The following MED24 variants were observed in gnomAD, a reference collection of about 807,000 sequenced individuals.
MED24 encodes mediator complex subunit 24.
Under a neutral mutation model 118.8 loss-of-function variants are expected in MED24, and 74 were observed. The observed-to-expected ratio is 0.62, with a 90% CI of 0.52 to 0.76. The LOEUF is 0.76. MED24 is among the 30% of genes least tolerant of loss of function. The pLI is 0.00. For synonymous variants in MED24, 521 were observed against 523.9 expected (o/e 0.99, Z 0.08); for missense variants, 1,041 against 1,278.9 (o/e 0.81, Z 2.84).
chr17:40,023,483 T>C lies in MED24; in HGVS notation c.1986-88A>G, dbSNP rs1376452606. 3.0e-6 allele frequency: 4 copies of C among 1,322,860 alleles called. No homozygotes were observed. The Admixed American group carries it at 9.1e-5, about 30-fold the overall frequency. 81.9% of individuals were successfully genotyped at this position (1,322,860 alleles called of 1,614,324 possible). A position where few individuals can be genotyped will look rare whatever the true frequency, so the allele number is the denominator to read the frequency against. On this transcript the variant is annotated intron_variant, in intron 19 of 25. Transcript: ENST00000394128. ...GGAACACCCATGCCAGACTTTCCCT[T>C]GGACTTAGGTTACGGAAATCTCCCT... is the stretch of plus-strand genomic sequence containing the variant.
rs919556918 is a variant in MED24, at chr17:40,032,763, C to G, written c.823-1G>C. On this transcript the variant is annotated splice_acceptor_variant, in intron 8 of 25. Coordinates refer to ENST00000394128, the MANE Select transcript of MED24 (RefSeq NM_014815.4). LOFTEE classifies it high-confidence loss of function. Reference sequence around the variant, plus strand: ...GGACAAAAAGTGGGGTGGGGATATGCTGTGGGAAGAGCCAAGGATGAGGCC... The same window carrying G: ...GGACAAAAAGTGGGGTGGGGATATGGTGTGGGAAGAGCCAAGGATGAGGCC... 6.2e-7 allele frequency: 1 copy of G among 1,612,514 alleles called. No homozygotes were observed. Among genetic ancestry groups the G allele is most frequent in the Non-Finnish European group, 8.5e-7 (1 of 1,178,994 alleles).
Position 40,026,338 on chromosome 17 carries a change from G to A in MED24, c.1810-7C>T. The stretch of plus-strand genomic sequence containing the variant: ...TGATGTTATCAGTGATTTTCTAGGG[G>A]AGACGGAAAGGTGATGGGCTACCAT... On this transcript the variant is annotated splice_polypyrimidine_tract_variant and splice_region_variant and intron_variant, in intron 18 of 25. Transcript: ENST00000394128. 1.2e-6 allele frequency: 2 copies of A among 1,611,620 alleles called. No individual in the cohort carries two copies. Among genetic ancestry groups the A allele is most frequent in the Non-Finnish European group, 1.7e-6 (2 of 1,178,140 alleles).
At chr17:40,020,799 G>A (rs939222989) in intron 23 of MED24, among the ~76,000 whole-genome samples, 1 of 150,980 alleles carries the variant, frequency 6.6e-6, no homozygotes, top group Non-Finnish European at 1.5e-5. Flanking sequence ...CAGGCTGGGC[G>A]TGGTGGCTCA....
Position 40,022,494 on chromosome 17 carries a change from G to T in MED24, c.2433-10C>A. The stretch of plus-strand genomic sequence containing the variant: ...ACACCACACGGCCAGCCTGGCAAAG[G>T]GTTCCAGAAAAAGGGGGACAGTGAG... On this transcript the variant is annotated splice_polypyrimidine_tract_variant and intron_variant, in intron 21 of 25. Coordinates refer to ENST00000394128, the MANE Select transcript of MED24 (RefSeq NM_014815.4). 1.9e-6 allele frequency: 3 copies of T among 1,604,844 alleles called. No homozygotes were observed. Among genetic ancestry groups the T allele is most frequent in the Middle Eastern group, 1.7e-4 (1 of 6,002 alleles).
intron 20 of MED24, 76 bp downstream of exon 20, chr17:40,023,055 C>G: frequency 1.3e-6 from 2 of 1,539,840 alleles, no homozygotes; most frequent in Admixed American, 3.9e-5. Flanking sequence ...CTCAGGGAAG[C>G]CTGGCAGACC....
chr17:40,029,266 T>C (rs1983088421), intron 13 of MED24, among the ~76,000 whole-genome samples: 1 of 152,206 alleles, frequency 6.6e-6, no homozygotes, highest in Non-Finnish European at 1.5e-5. Context: ...TGGTGCGATC[T>C]TGGCTCACTG....
chr17:40,026,281 A>G lies in MED24; in HGVS notation c.1860T>C (p.Ala620=), dbSNP rs541691692. 2 of 1,614,094 alleles carry G rather than the reference A, an allele frequency of 1.2e-6. No homozygotes were observed. The highest frequency in any genetic ancestry group is 2.7e-5 in the African/African-American group (2 of 74,936). The change falls in exon 19 of 26, where the codon GCT becomes GCC. Residue 620 remains alanine (A), a synonymous_variant. Transcript: ENST00000394128. Reference sequence around the variant, plus strand: ...GGACGTGGGCCACAAGCCAAGCCACAGCACACACCGCCAGACTGCATACCT... The same window carrying G: ...GGACGTGGGCCACAAGCCAAGCCACGGCACACACCGCCAGACTGCATACCT... The part of the protein sequence containing the change: ...KGKVCSLAVC[A]VAWLVAHVRM...
chr17:40,039,614 A>G (rs1458682838), intron 3 of MED24, among the ~76,000 whole-genome samples: 2 of 151,894 alleles, frequency 1.3e-5, no homozygotes, highest in African/African-American at 4.8e-5. Flanking sequence ...TCCCTTTCCC[A>G]TCAGTGTTTA....
intron 4 of MED24, 94 bp from the exon 5 acceptor site, chr17:40,035,889 TCTC>T: frequency 7.9e-7 from 1 of 1,261,254 alleles, no homozygotes; most frequent in East Asian, 2.4e-5. Flanking sequence ...CCTGCTCCTC[TCTC>T]CTCCAACCCT....
chr17:40,037,268 C>A (rs1984053671), intron 3 of MED24, among the ~76,000 whole-genome samples: 1 of 145,092 alleles, frequency 6.9e-6, no homozygotes, highest in Admixed American at 6.7e-5. Context: ...GTAAGTTTTA[C>A]TGTACAAACT....
intron 9 of MED24, chr17:40,032,400 C>A (rs1211571753): frequency 3.5e-5 from 20 of 574,862 alleles, no homozygotes; most frequent in Admixed American, 2.5e-4. Context: ...CCTTTACTGC[C>A]CTGCACCTAT....
Position 40,027,015 on chromosome 17 carries a change from C to T in MED24, c.1550G>A (p.Arg517His), listed in dbSNP as rs191409548. The change falls in exon 17 of 26, where the codon CGC becomes CAC. Residue 517 changes from arginine (R) to histidine (H), a missense_variant. By Grantham distance (29) the Arg-to-His change is conservative (BLOSUM62 0). Coordinates refer to ENST00000394128, the MANE Select transcript of MED24 (RefSeq NM_014815.4). ...GAAGAAGGGCACCTCAGCTCCTGTG[C>T]GCGACTCGGACAGAATCACCTGGGA... ...YGSEVILSES[R>H]TGAEVPFFET... 1.2e-6 allele frequency: 2 copies of T among 1,614,006 alleles called. No individual in the cohort carries two copies. The highest frequency in any genetic ancestry group is 1.7e-5 in the Admixed American group (1 of 59,936).
intron 19 of MED24, among the ~76,000 whole-genome samples, chr17:40,024,018 C>A (rs540283304): frequency 5.1e-4 from 77 of 152,270 alleles, no homozygotes; most frequent in African/African-American, 1.6e-3. Context: ...CCCACCTGCA[C>A]AATGGAGCCA....
chr17:40,039,781 AT>A (rs869107070), intron 3 of MED24, among the ~76,000 whole-genome samples: 11,559 of 127,650 alleles, frequency 0.091, 1,404 homozygotes, highest in African/African-American at 0.29. Flanking sequence ...ACCATGCTTA[AT>A]TTTTTTTTTT....
At position 40,026,718 on chromosome 17, in the gene MED24, T is replaced by C; in HGVS notation, c.1738A>G (p.Ser580Gly). 1 of 1,612,522 alleles carries C rather than the reference T, an allele frequency of 6.2e-7. No individual in the cohort carries two copies. Among genetic ancestry groups the C allele is most frequent in the South Asian group, 1.1e-5 (1 of 90,622 alleles). The change falls in exon 18 of 26, where the codon AGC becomes GGC. Residue 580 changes from serine to glycine, a missense_variant. Around this residue, in one of 3 missense-constraint regions of MED24, gnomAD observed 587 missense variants for 694.4 expected, o/e 0.85. Transcript: ENST00000394128. ...ATTTCCAAGATGGCGGCTGAGATGC[T>C]GAGACAGGCCTCATGCCACTTCATC... ...VQMKWHEACL[S>G]ISAAILEILN... is the part of the protein sequence containing the mutation.
intron 3 of MED24, among the ~76,000 whole-genome samples, chr17:40,042,528 C>T (rs1350722170): frequency 2.0e-5 from 3 of 152,098 alleles, no homozygotes; most frequent in African/African-American, 7.2e-5. Context: ...CAAAAATTAG[C>T]TGTGCGTGGT....
chr17:40,024,796 C>A, intron 19 of MED24, among the ~76,000 whole-genome samples: 1 of 152,176 alleles, frequency 6.6e-6, no homozygotes, highest in East Asian at 2.0e-4. Context: ...AGTGCAGTGG[C>A]GTGATCTCGG....
chr17:40,053,857 G>A, intron 1 of MED24: 2 of 627,468 alleles, frequency 3.2e-6, no homozygotes, highest in East Asian at 2.7e-5. Context: ...TCGGCCGAGC[G>A]CAGTGGCTCG....
chr17:40,026,093 T>A (rs1169613420), intron 19 of MED24, 63 bp downstream of exon 19: 1 of 1,526,676 alleles, frequency 6.6e-7, no homozygotes, highest in Non-Finnish European at 8.9e-7. Context: ...GTGCTTGTTA[T>A]TGGATGTGCT....
Sources: allele counts gnomAD v4.1 joint callset (sites outside exome capture counted in the v4.1 genomes callset), GRCh38; gene constraint gnomAD v4.1.1; regional missense constraint gnomAD v4.1.1; transcripts MANE v1.5; gene names NCBI Gene and HGNC (gene_info 2026-07-23, HGNC 2026-07-21).